IQCH: variants seen among roughly 807,000 people sequenced by gnomAD.
IQCH encodes IQ motif containing H.
A neutral mutation model predicts 117.0 loss-of-function variants in IQCH; 98 were observed. The ratio of observed to expected loss-of-function variants is 0.84; its 90% CI spans 0.71 to 0.99. The LOEUF (loss-of-function observed/expected upper bound fraction) is 0.99, where lower values mean the gene tolerates loss of function less well. IQCH is among the 50% of genes least tolerant of loss of function. The probability of loss-of-function intolerance (pLI) is 0.00; values close to 1 mark genes in which losing one functional copy is unlikely to be tolerated. For synonymous variants in IQCH, 412 were observed against 448.2 expected, an observed-to-expected ratio of 0.92 and a Z score of 1.02; for missense variants, 1,102 against 1,243.8, an observed-to-expected ratio of 0.89 and a Z score of 1.72.
chr15:67,419,753 A>G (rs941205488), intron 15 of IQCH, among the ~76,000 whole-genome samples: 13 of 152,134 alleles, frequency 8.5e-5, no homozygotes, highest in African/African-American at 3.1e-4. Flanking sequence ...TTTTTTGTAG[A>G]GACAGGGTCT....
chr15:67,315,522 A>C (rs1967804663), intron 4 of IQCH, among the ~76,000 whole-genome samples: 2 of 152,116 alleles, frequency 1.3e-5, no homozygotes, highest in Admixed American at 1.3e-4. Flanking sequence ...CCGTGGAATG[A>C]GTGATATTAT....
chr15:67,474,941 C>G lies in IQCH; in HGVS notation c.2677-755C>G, dbSNP rs2083167961. On this transcript the variant is annotated intron_variant, in intron 17 of 20. Transcript: ENST00000335894. The surrounding 1 kb of genome is among the most constrained non-coding windows in gnomAD (Gnocchi z 4.1). ...CAAAAACACATTACTACAGTCTAAT[C>G]AGGAGAAAAACATCAGACAAACTGA... Among the ~76,000 whole-genome samples, 1 of 152,148 alleles carries G rather than the reference C, an allele frequency of 6.6e-6. No individual in the cohort carries two copies. The highest frequency in any genetic ancestry group is 2.4e-5 in the African/African-American group (1 of 41,438).
rs771419111 is a variant in IQCH at position 67,344,119 on chromosome 15, C to T, written c.565C>T (p.Gln189Ter). Reference protein sequence around the residue: ...LIPPTARITFQNPPITPRAAP... With the variant: ...LIPPTARITF ...TCCACCAACAGCAAGGATTACCTTT[C>T]AGAATCCACCCATTACACCCAGAGC... is the stretch of plus-strand genomic sequence containing the variant. Residue 189 changes from glutamine to a stop codon, truncating the protein, a stop_gained, in exon 6 of 21, where the codon CAG (glutamine) becomes TAG (stop). Coordinates refer to ENST00000335894, the MANE Select transcript of IQCH (RefSeq NM_001031715.3). LOFTEE classifies it high-confidence loss of function. The T allele has an allele frequency of 1.9e-6, 3 of 1,613,310 alleles. No individual in the cohort carries two copies. The highest frequency in any genetic ancestry group is 4.5e-5 in the East Asian group (2 of 44,848).
Position 67,421,405 on chromosome 15 carries a change from C to A in IQCH, c.2333C>A (p.Ala778Asp). 1 of 1,614,196 alleles carries A rather than the reference C, an allele frequency of 6.2e-7. No homozygotes were observed. Among genetic ancestry groups the A allele is most frequent in the Non-Finnish European group, 8.5e-7 (1 of 1,180,010 alleles). ...SVLSTGDQLH[A>D]ESPFISSGTT... ...CTGTCGACAGGGGACCAGCTTCATG[C>A]TGAAAGCCCCTTCATCTCCTCTGGT... Residue 778 changes from alanine to aspartate, a missense_variant, in exon 16 of 21, where the codon GCT becomes GAT. Around this residue, in one of 2 missense-constraint regions of IQCH, gnomAD observed 650 missense variants for 794.3 expected, o/e 0.82. Coordinates refer to ENST00000335894, the MANE Select transcript of IQCH (RefSeq NM_001031715.3).
At position 67,342,675 on chromosome 15, in the gene IQCH, A is replaced by G. The variant is rs1250136541; in HGVS notation, c.509-1388A>G. 6.6e-6 allele frequency among the ~76,000 whole-genome samples: 1 copy of G among 152,212 alleles called. No individual in the cohort carries two copies. Among genetic ancestry groups the G allele is most frequent in the Non-Finnish European group, 1.5e-5 (1 of 68,036 alleles). On this transcript the variant is annotated intron_variant, in intron 5 of 20. Coordinates refer to ENST00000335894, the MANE Select transcript of IQCH (RefSeq NM_001031715.3). The surrounding 1 kb of genome is among the most constrained non-coding windows in gnomAD (Gnocchi z 4.7). ...TCTTACAAGATTTTTAAAGTAGTTC[A>G]ATCTAGTGTTATAAAAATTAAAACC...
At position 67,416,929 on chromosome 15, in the gene IQCH, A is replaced by G; in HGVS notation, c.2098-2A>G. The G allele has an allele frequency of 6.3e-7, 1 of 1,587,970 alleles. No homozygotes were observed. Among genetic ancestry groups the G allele is most frequent in the Non-Finnish European group, 8.6e-7 (1 of 1,167,874 alleles). ...GTGGTTCTATTTAATTTGTTTCTGCAGGAGCCAGCTTTGGTGAAGATCTCT... is the reference window on the plus strand; with the variant it reads ...GTGGTTCTATTTAATTTGTTTCTGCGGGAGCCAGCTTTGGTGAAGATCTCT... On this transcript the variant is annotated splice_acceptor_variant, in intron 14 of 20. Coordinates refer to ENST00000335894, the MANE Select transcript of IQCH (RefSeq NM_001031715.3). LOFTEE classifies it high-confidence loss of function. This position sits in a 1 kb window ranked among gnomAD's most constrained non-coding sequence, Gnocchi z 5.1.
intron 4 of IQCH, among the ~76,000 whole-genome samples, chr15:67,298,834 C>G (rs1966883264): frequency 6.6e-6 from 1 of 151,728 alleles, no homozygotes; most frequent in African/African-American, 2.4e-5. Context: ...CCACTGTGCT[C>G]CAGCCTGGGT....
rs2083116430 is a variant in IQCH, at chr15:67,473,188, T to C, written c.2677-2508T>C. ...AATTACCATGCAATTACATGCTCAG[T>C]AACCACAATGGAATTTGAGAGTGTT... On this transcript the variant is annotated intron_variant, in intron 17 of 20. Coordinates refer to ENST00000335894, the MANE Select transcript of IQCH (RefSeq NM_001031715.3). The surrounding 1 kb of genome is among the most constrained non-coding windows in gnomAD (Gnocchi z 4.9). Among the ~76,000 whole-genome samples, 1 of 152,160 alleles carries C rather than the reference T, an allele frequency of 6.6e-6. No individual in the cohort carries two copies. The highest frequency in any genetic ancestry group is 2.1e-4 in the South Asian group (1 of 4,834).
chr15:67,418,149 A>G (rs189626781), intron 15 of IQCH, among the ~76,000 whole-genome samples: 25 of 152,280 alleles, frequency 1.6e-4, no homozygotes, highest in African/African-American at 5.8e-4. Flanking sequence ...AGAGCCCATG[A>G]AAAGCTACCT....
intron 3 of IQCH, among the ~76,000 whole-genome samples, chr15:67,276,807 T>G (rs1429726279): frequency 6.6e-6 from 1 of 152,224 alleles, no homozygotes; most frequent in African/African-American, 2.4e-5. Context: ...GGTTTTGTTT[T>G]GTTTTTTGCA....
intron 10 of IQCH, among the ~76,000 whole-genome samples, chr15:67,377,906 G>A (rs1161951682): frequency 6.6e-6 from 1 of 151,976 alleles, no homozygotes; most frequent in African/African-American, 2.4e-5. Context: ...TTATTCTTGG[G>A]GTTAAAACAA....
At position 67,366,168 on chromosome 15, in the gene IQCH, A is replaced by G. The variant is rs977542825; in HGVS notation, c.754-5943A>G. Among the ~76,000 whole-genome samples, 1 of 152,148 alleles carries G rather than the reference A, an allele frequency of 6.6e-6. No individual in the cohort carries two copies. Among genetic ancestry groups the G allele is most frequent in the Non-Finnish European group, 1.5e-5 (1 of 68,034 alleles). Reference sequence around the variant, plus strand: ...ATGTGTCTTTGCTCAGAGATCTGGGAATCCAGGCTGCTTTTGATTCCCATC... The same window carrying G: ...ATGTGTCTTTGCTCAGAGATCTGGGGATCCAGGCTGCTTTTGATTCCCATC... On this transcript the variant is annotated intron_variant, in intron 8 of 20. Transcript: ENST00000335894. The surrounding 1 kb of genome is among the most constrained non-coding windows in gnomAD (Gnocchi z 4.4).
In IQCH at chr15:67,417,146, C is replaced by G; in HGVS notation, c.2218+95C>G. 11 of 1,082,314 alleles carry G rather than the reference C, an allele frequency of 1.0e-5. No individual in the cohort carries two copies. The highest frequency in any genetic ancestry group is 1.4e-5 in the Non-Finnish European group (11 of 785,166). 67.0% of individuals were successfully genotyped at this position (1,082,314 alleles called of 1,614,324 possible). The stretch of plus-strand genomic sequence containing the variant: ...TGGGGCCAATTTAAATACTTTGCAT[C>G]TCCTGTGTTGGTTTAGAAAAGTGCT... On this transcript the variant is annotated intron_variant, in intron 15 of 20. Coordinates refer to ENST00000335894, the MANE Select transcript of IQCH (RefSeq NM_001031715.3). This position sits in a 1 kb window ranked among gnomAD's most constrained non-coding sequence, Gnocchi z 4.3.
intron 4 of IQCH, among the ~76,000 whole-genome samples, chr15:67,316,214 A>G (rs1967838317): frequency 6.6e-6 from 1 of 152,178 alleles, no homozygotes; most frequent in Non-Finnish European, 1.5e-5. Context: ...GCTGACCCTT[A>G]TAGAAGATTA....
Position 67,254,794 on chromosome 15 carries a change from C to T in IQCH, c.-103C>T. On this transcript the variant is annotated 5_prime_UTR_variant, in exon 1 of 21. Transcript: ENST00000335894. Reference sequence around the variant, plus strand: ...CCTTCCGCTCCCAGCGTGGAACAGGCCAGGTCGCGCGCGGTGTTGCCATGG... The same window carrying T: ...CCTTCCGCTCCCAGCGTGGAACAGGTCAGGTCGCGCGCGGTGTTGCCATGG... 7.3e-7 allele frequency: 1 copy of T among 1,376,436 alleles called. No homozygotes were observed. Among genetic ancestry groups the T allele is most frequent in the Non-Finnish European group, 1.0e-6 (1 of 985,092 alleles). 85.3% of individuals were successfully genotyped at this position (1,376,436 alleles called of 1,614,324 possible).
chr15:67,501,706 G>A lies in IQCH; in HGVS notation c.*960G>A, dbSNP rs1024724815. 2.0e-5 allele frequency: 3 copies of A among 152,162 alleles called. No homozygotes were observed. Among genetic ancestry groups the A allele is most frequent in the African/African-American group, 7.2e-5 (3 of 41,438 alleles). 9.4% of individuals were successfully genotyped at this position (152,162 alleles called of 1,614,324 possible). A position where few individuals can be genotyped will look rare whatever the true frequency, so the allele number is the denominator to read the frequency against. On this transcript the variant is annotated 3_prime_UTR_variant, in exon 21 of 21. Transcript: ENST00000335894. The surrounding 1 kb of genome is among the most constrained non-coding windows in gnomAD (Gnocchi z 5.2). ...AAAATATTTTAGTGTATTGGGGAAA[G>A]GAATAGGATTTTTACCTGTGGAATT...
chr15:67,297,363 T>A (rs934801724), intron 4 of IQCH, among the ~76,000 whole-genome samples: 2 of 152,176 alleles, frequency 1.3e-5, no homozygotes, highest in Non-Finnish European at 2.9e-5. Flanking sequence ...ATCTATTCCC[T>A]CTACTATTTT....
intron 8 of IQCH, among the ~76,000 whole-genome samples, chr15:67,363,071 A>C (rs371199635): frequency 6.6e-6 from 1 of 152,198 alleles, no homozygotes; most frequent in East Asian, 1.9e-4. Flanking sequence ...CAAGATTCAA[A>C]AGCAAGTCCA....
chr15:67,336,359 C>CA (rs1194562525), intron 4 of IQCH, among the ~76,000 whole-genome samples: 2 of 152,014 alleles, frequency 1.3e-5, no homozygotes, highest in African/African-American at 4.8e-5. Flanking sequence ...GATTTATATG[C>CA]AATATATGTA....
Sources: allele counts gnomAD v4.1 joint callset (sites outside exome capture counted in the v4.1 genomes callset), GRCh38; gene constraint gnomAD v4.1.1; regional missense constraint gnomAD v4.1.1; non-coding constraint Gnocchi (gnomAD v3.1); transcripts MANE v1.5; gene names NCBI Gene and HGNC (gene_info 2026-07-23, HGNC 2026-07-21).